PCDH7: variants seen among roughly 807,000 people sequenced by gnomAD.
PCDH7 encodes the protein protocadherin 7, also known as protocadherin-7.
In PCDH7, 17 loss-of-function variants were observed where a neutral mutation model predicts 58.9. The ratio of observed to expected loss-of-function variants is 0.29; its 90% confidence interval spans 0.20 to 0.43. The LOEUF is 0.43. Among genes scored for constraint, PCDH7 ranks in the 20% least tolerant of loss-of-function variants. The probability of loss-of-function intolerance (pLI) is 1.00; values close to 1 mark genes in which losing one functional copy is unlikely to be tolerated. For synonymous variants in PCDH7, 664 were observed against 616.4 expected, an observed-to-expected ratio of 1.08 and a Z score of -1.14; for missense variants, 1,274 against 1,441.0, an observed-to-expected ratio of 0.88 and a Z score of 1.88.
In PCDH7 at chr4:30,977,762, C is replaced by T. The variant is rs186283317; in HGVS notation, c.*7+27547C>T. On this transcript the variant is annotated intron_variant, in intron 3 of 3. Transcript: ENST00000509759. ...GGCCTGTGGCTCTTTATCACTCAGC[C>T]TAAGTCCCCAACTTTTCCCCTTCCC... 5.9e-4 allele frequency among the ~76,000 whole-genome samples: 90 copies of T among 152,244 alleles called. 1 individual carries two copies. Among genetic ancestry groups the T allele is most frequent in the African/African-American group, 2.1e-3 (86 of 41,544 alleles).
chr4:31,129,034 A>C (rs1047657868), intron 3 of PCDH7, among the ~76,000 whole-genome samples: 1 of 152,208 alleles, frequency 6.6e-6, no homozygotes, highest in African/African-American at 2.4e-5. Flanking sequence ...GTGAAGGTAG[A>C]TATAATCATC....
intron 1 of PCDH7, among the ~76,000 whole-genome samples, chr4:30,759,277 A>G (rs1220346075): frequency 1.3e-5 from 2 of 152,016 alleles, no homozygotes; most frequent in Admixed American, 1.3e-4. Flanking sequence ...CATGTCAAAG[A>G]TGTCAGCATT....
At chr4:31,026,138 T>C (rs542130798) in intron 3 of PCDH7, among the ~76,000 whole-genome samples, 23 of 152,322 alleles carry the variant, frequency 1.5e-4, no homozygotes, top group African/African-American at 5.1e-4. Context: ...TTTGCCAGCA[T>C]TAGACTTTTA....
chr4:31,033,316 T>C (rs1348795172), intron 3 of PCDH7, among the ~76,000 whole-genome samples: 1 of 152,184 alleles, frequency 6.6e-6, no homozygotes, highest in Non-Finnish European at 1.5e-5. Context: ...AAATATTGAT[T>C]GAAATGATAG....
At chr4:31,100,589 C>T (rs1236669111) in intron 3 of PCDH7, among the ~76,000 whole-genome samples, 1 of 152,160 alleles carries the variant, frequency 6.6e-6, no homozygotes, top group East Asian at 1.9e-4. Context: ...TAGGAACAAT[C>T]TGGTTTTACC....
chr4:30,724,908 A>C (rs1020905405), intron 1 of PCDH7: 2 of 1,145,276 alleles, frequency 1.7e-6, no homozygotes, highest in African/African-American at 3.2e-5. Flanking sequence ...CAGAATAAAT[A>C]TGTGTGTATT....
At chr4:31,097,810 A>G (rs1714348723) in intron 3 of PCDH7, among the ~76,000 whole-genome samples, 1 of 151,368 alleles carries the variant, frequency 6.6e-6, no homozygotes, top group Admixed American at 6.6e-5. Context: ...TTTTTCAGAC[A>G]TTAACTCTAA....
intron 3 of PCDH7, among the ~76,000 whole-genome samples, chr4:31,100,397 A>C (rs1017745455): frequency 3.3e-5 from 5 of 152,062 alleles, no homozygotes; most frequent in African/African-American, 1.2e-4. Context: ...CAGATGAGAT[A>C]ATCAATCCTA....
At chr4:31,128,105 G>GTA (rs1161989915) in intron 3 of PCDH7, among the ~76,000 whole-genome samples, 2 of 150,132 alleles carry the variant, frequency 1.3e-5, no homozygotes, top group African/African-American at 4.9e-5. Flanking sequence ...GTATATATGT[G>GTA]TATATATATA....
chr4:30,735,436 G>A (rs1716112401), downstream of PCDH7, among the ~76,000 whole-genome samples: 1 of 152,172 alleles, frequency 6.6e-6, no homozygotes, highest in African/African-American at 2.4e-5. Flanking sequence ...TGAGAGCAGA[G>A]CGATGCCTTG....
At position 30,722,147 on chromosome 4, in the gene PCDH7, G is replaced by A. The variant is rs1367552763; in HGVS notation, c.725G>A (p.Ser242Asn). The A allele has an allele frequency of 1.3e-6, 2 of 1,484,644 alleles. No homozygotes were observed. The highest frequency in any genetic ancestry group is 2.9e-5 in the African/African-American group (2 of 69,450). The allele number at this position is 1,484,644 out of a possible 1,614,324, so 92.0% of individuals were successfully genotyped here. A position where few individuals can be genotyped will look rare whatever the true frequency, so the allele number is the denominator to read the frequency against. The change falls in exon 1 of 2, where the codon AGC (serine) becomes AAC (asparagine). Residue 242 changes from serine to asparagine, a missense_variant. Physicochemically the swap from Ser to Asn is conservative, Grantham distance 46. Coordinates refer to ENST00000361762, the Ensembl canonical transcript of PCDH7. This position sits in a 1 kb window ranked among gnomAD's most constrained non-coding sequence, Gnocchi z 7.6. ...GGCACCAACCCCGGCGGCCGCAGCA[G>A]CGTGTTCGAGCTGCAGGTGGCGGAC...
At chr4:31,003,644 A>G (rs1752533101) in intron 3 of PCDH7, among the ~76,000 whole-genome samples, 2 of 152,086 alleles carry the variant, frequency 1.3e-5, no homozygotes, top group South Asian at 4.1e-4. Flanking sequence ...ACGGTGGCTC[A>G]CACCTGTAAT....
At chr4:31,016,020 C>T (rs6811926) in intron 3 of PCDH7, among the ~76,000 whole-genome samples, 79,606 of 152,096 alleles carry the variant, frequency 0.52, 24,988 homozygotes, top group African/African-American at 0.87. Flanking sequence ...CCTGGAATGG[C>T]GGATGAGTTT....
At chr4:30,988,113 G>GTT (rs1395004274) in intron 3 of PCDH7, among the ~76,000 whole-genome samples, 2 of 152,134 alleles carry the variant, frequency 1.3e-5, no homozygotes, top group Non-Finnish European at 2.9e-5. Context: ...AAAATTGTGT[G>GTT]TTTTATTCAG....
intron 3 of PCDH7, among the ~76,000 whole-genome samples, chr4:30,992,000 C>CA (rs2109125027): frequency 6.6e-6 from 1 of 152,226 alleles, no homozygotes; most frequent in South Asian, 2.1e-4. Context: ...TGAAATCAAA[C>CA]AGATGAATGA....
chr4:31,062,204 A>G (rs1757741443), intron 3 of PCDH7, among the ~76,000 whole-genome samples: 1 of 151,674 alleles, frequency 6.6e-6, no homozygotes, highest in African/African-American at 2.4e-5. Flanking sequence ...ACAACTGTAT[A>G]ATTTCCAACC....
chr4:30,920,066 C>T (rs1425706283), intron 1 of PCDH7, 87 bp from the exon 2 acceptor site: 1 of 1,001,680 alleles, frequency 1.0e-6, no homozygotes, highest in Non-Finnish European at 1.4e-6. Flanking sequence ...GCCAGTAGAC[C>T]TTAATGTATG....
chr4:31,082,777 A>T (rs1487172428), intron 3 of PCDH7, among the ~76,000 whole-genome samples: 1 of 40,986 alleles, frequency 2.4e-5, no homozygotes, highest in Admixed American at 3.5e-4. Flanking sequence ...AACTCAGAAG[A>T]GGGAGGGTGG....
At chr4:31,026,541 G>GTAT (rs1399519693) in intron 3 of PCDH7, among the ~76,000 whole-genome samples, 1 of 152,170 alleles carries the variant, frequency 6.6e-6, no homozygotes, top group Non-Finnish European at 1.5e-5. Flanking sequence ...TAATTTTTAT[G>GTAT]TATTCCCTTT....
Sources: allele counts gnomAD v4.1 joint callset (sites outside exome capture counted in the v4.1 genomes callset), GRCh38; gene constraint gnomAD v4.1.1; non-coding constraint Gnocchi (gnomAD v3.1); transcripts MANE v1.5; gene names NCBI Gene and HGNC (gene_info 2026-07-23, HGNC 2026-07-21).